HDAC9: variants seen among roughly 807,000 people sequenced by gnomAD.
The protein encoded by HDAC9 is MEF-2 interacting transcription repressor (MITR) protein.
In HDAC9, 41 loss-of-function variants were observed where a neutral mutation model predicts 139.4. The observed-to-expected ratio is 0.29, with a 90% confidence interval of 0.23 to 0.38. HDAC9 has a LOEUF of 0.38. Among genes scored for constraint, HDAC9 ranks in the 10% least tolerant of loss-of-function variants. HDAC9 has a pLI of 1.00. For missense variants in HDAC9, 1,147 were observed against 1,297.0 expected (o/e 0.88, Z 1.78); for synonymous variants, 517 against 476.2 (o/e 1.09, Z -1.12).
chr7:18,728,654 C>T (rs924954824), intron 13 of HDAC9, among the ~76,000 whole-genome samples: 4 of 152,268 alleles, frequency 2.6e-5, no homozygotes, highest in South Asian at 4.1e-4. Flanking sequence ...CTTTTGAGTT[C>T]TCTGATTTAT....
intron 22 of HDAC9, among the ~76,000 whole-genome samples, 197 bp from the exon 23 acceptor site, chr7:18,935,612 T>C (rs541575790): frequency 1.6e-4 from 25 of 152,298 alleles, no homozygotes; most frequent in African/African-American, 5.8e-4. Context: ...CTGTGGGATC[T>C]TGGGCTTTGG....
intron 25 of HDAC9, among the ~76,000 whole-genome samples, chr7:18,986,835 T>A (rs1409322493): frequency 6.6e-6 from 1 of 152,206 alleles, no homozygotes; most frequent in South Asian, 2.1e-4. Flanking sequence ...TTGAAGCAAC[T>A]GTGAATGGGA....
chr7:18,345,001 C>A (rs1177047126), intron 1 of HDAC9, among the ~76,000 whole-genome samples: 1 of 151,930 alleles, frequency 6.6e-6, no homozygotes, highest in Non-Finnish European at 1.5e-5. Flanking sequence ...TGATCTTGGG[C>A]TCTCTACTAA....
At chr7:18,423,363 C>A (rs1251360655) in intron 1 of HDAC9, among the ~76,000 whole-genome samples, 1 of 152,092 alleles carries the variant, frequency 6.6e-6, no homozygotes, top group Non-Finnish European at 1.5e-5. Flanking sequence ...TAATTTATTT[C>A]TTTGACAATA....
Position 18,666,290 on chromosome 7 carries a change from C to T in HDAC9, c.1545C>T (p.Asp515=). The part of the protein sequence containing the change: ...LEEAEEELQG[D]QAMQEDRAPS... ...AAGCAGAGGAAGAGCTTCAGGGGGA[C>T]CAGGCGATGCAGGAAGACAGAGCGC... Residue 515 remains aspartate, a synonymous_variant, in exon 12 of 26, where the codon GAC becomes GAT. Coordinates refer to ENST00000686413, the MANE Select transcript of HDAC9 (RefSeq NM_178425.4). The T allele has an allele frequency of 6.2e-7, 1 of 1,613,428 alleles. No homozygotes were observed. Among genetic ancestry groups the T allele is most frequent in the Non-Finnish European group, 8.5e-7 (1 of 1,179,602 alleles).
rs1427836531 is a variant in HDAC9, at chr7:18,363,321, A to T, written c.-42+72806A>T. On this transcript the variant is annotated intron_variant, in intron 1 of 3. Transcript: ENST00000413509. Reference sequence around the variant, plus strand: ...CTGATCTTAGATACTTCTAAAGCTGATTGTGAGGATTAATGGACAGGGATT... The same window carrying T: ...CTGATCTTAGATACTTCTAAAGCTGTTTGTGAGGATTAATGGACAGGGATT... Among the ~76,000 whole-genome samples, 3 of 152,064 alleles carry T rather than the reference A, an allele frequency of 2.0e-5. No individual in the cohort carries two copies. In the South Asian group the frequency reaches 6.2e-4, roughly 32 times the overall value.
chr7:18,711,665 A>G (rs1230355271), intron 12 of HDAC9, among the ~76,000 whole-genome samples: 1 of 152,200 alleles, frequency 6.6e-6, no homozygotes, highest in Non-Finnish European at 1.5e-5. Context: ...CTCAGAGTGC[A>G]AAGTGACTCT....
At chr7:18,692,388 G>C (rs1026730818) in intron 12 of HDAC9, among the ~76,000 whole-genome samples, 1 of 152,000 alleles carries the variant, frequency 6.6e-6, no homozygotes, top group Admixed American at 6.6e-5. Context: ...TTAAAAAAAT[G>C]ACCATGACAT....
At chr7:18,318,551 T>G (rs1799813620) in intron 1 of HDAC9, among the ~76,000 whole-genome samples, 1 of 152,212 alleles carries the variant, frequency 6.6e-6, no homozygotes, top group Non-Finnish European at 1.5e-5. Flanking sequence ...AGAAGTAAAG[T>G]GGAGTGGGGC....
At chr7:18,651,928 G>A (rs984486534) in intron 11 of HDAC9, among the ~76,000 whole-genome samples, 1 of 152,098 alleles carries the variant, frequency 6.6e-6, no homozygotes, top group African/African-American at 2.4e-5. Flanking sequence ...AGAGTGCTGG[G>A]CTGGAGAGGA....
intron 13 of HDAC9, among the ~76,000 whole-genome samples, chr7:18,740,825 A>T (rs1787382375): frequency 6.6e-6 from 1 of 152,216 alleles, no homozygotes; most frequent in East Asian, 1.9e-4. Flanking sequence ...TAAAAGTGTT[A>T]CTGTAGTGAA....
chr7:18,752,122 C>T (rs572135673), intron 14 of HDAC9, among the ~76,000 whole-genome samples: 14 of 152,110 alleles, frequency 9.2e-5, no homozygotes, highest in Non-Finnish European at 1.6e-4. Context: ...TTTCGAATGC[C>T]GTGAAAAATA....
At chr7:18,086,888 C>A (rs1473884078), upstream of HDAC9, 2 of 146,000 alleles carry the variant, frequency 1.4e-5, no homozygotes, top group African/African-American at 5.0e-5. Context: ...CTGCCGCCCT[C>A]CCGAGCCCCC....
chr7:18,807,286 G>T (rs1793788090), intron 17 of HDAC9, among the ~76,000 whole-genome samples: 1 of 152,188 alleles, frequency 6.6e-6, no homozygotes, highest in Non-Finnish European at 1.5e-5. Context: ...TGTGGTATCA[G>T]TTGTTAAGTC....
chr7:19,000,980 CTCTTT>C lies in HDAC9; in HGVS notation c.*4921_*4925del, dbSNP rs1269492556. On this transcript the variant is annotated 3_prime_UTR_variant, in exon 26 of 26. Transcript: ENST00000686413. ...CTCTGTCTTTTGTTTTTTATCTCTTCTCTTTTCAAGAGTCACTTGACTTTTTCAAA... is the reference window on the plus strand; with the variant it reads ...CTCTGTCTTTTGTTTTTTATCTCTTCTCAAGAGTCACTTGACTTTTTCAAA... 12 of 152,252 alleles carry C rather than the reference CTCTTT, an allele frequency of 7.9e-5. No homozygotes were observed. The highest frequency in any genetic ancestry group is 2.6e-4 in the African/African-American group (11 of 41,568). 9.4% of individuals were successfully genotyped at this position (152,252 alleles called of 1,614,324 possible).
At chr7:18,637,762 A>G (rs1406917534) in intron 8 of HDAC9, among the ~76,000 whole-genome samples, 2 of 152,034 alleles carry the variant, frequency 1.3e-5, no homozygotes, top group African/African-American at 4.8e-5. Flanking sequence ...TGCAACCCTG[A>G]TGGCTAACAT....
chr7:18,471,748 T>C (rs904320191), intron 1 of HDAC9, among the ~76,000 whole-genome samples: 2 of 152,178 alleles, frequency 1.3e-5, no homozygotes, highest in African/African-American at 4.8e-5. Flanking sequence ...CAAGTGCCTG[T>C]TGTTTGGTTT....
chr7:18,353,374 G>A (rs1435993284), intron 1 of HDAC9, among the ~76,000 whole-genome samples: 1 of 152,020 alleles, frequency 6.6e-6, no homozygotes, highest in Non-Finnish European at 1.5e-5. Context: ...AAACTGTGTA[G>A]GTTATGAAAG....
At position 18,835,925 on chromosome 7, in the gene HDAC9, A is replaced by G. The variant is rs1796206405; in HGVS notation, c.2612A>G (p.Tyr871Cys). ...GTTGGAACAGGCCTTGGAGAAGGGT[A>G]CAATATAAATATTGCCTGGACAGGT... ...NEVGTGLGEG[Y>C]NINIAWTGGL... Residue 871 changes from tyrosine (Y) to cysteine (C), a missense_variant, in exon 21 of 26, where the codon TAC (tyrosine) becomes TGC (cysteine). Physicochemically the swap from Tyr to Cys is radical, Grantham distance 194. Transcript: ENST00000686413. The G allele has an allele frequency of 6.4e-7, 1 of 1,561,244 alleles. No individual in the cohort carries two copies. The highest frequency in any genetic ancestry group is 8.7e-7 in the Non-Finnish European group (1 of 1,151,220).
Sources: allele counts gnomAD v4.1 joint callset (sites outside exome capture counted in the v4.1 genomes callset), GRCh38; gene constraint gnomAD v4.1.1; transcripts MANE v1.5; gene names NCBI Gene and HGNC (gene_info 2026-07-23, HGNC 2026-07-21).